DMXL2: variants seen among roughly 807,000 people sequenced by gnomAD.
The protein encoded by DMXL2 is Dmx like 2, also known as dmX-like protein 2.
A neutral mutation model predicts 331.1 loss-of-function variants in DMXL2; 103 were observed. That is an observed-to-expected ratio of 0.31 (90% CI 0.27 to 0.37). The LOEUF (loss-of-function observed/expected upper bound fraction) is 0.37. DMXL2 is among the 10% of genes least tolerant of loss of function. The pLI is 1.00. For missense variants in DMXL2, 3,171 were observed against 3,642.9 expected (o/e 0.87, Z 3.33); for synonymous variants, 1,281 against 1,252.1 (o/e 1.02, Z -0.49).
At position 51,536,571 on chromosome 15, in the gene DMXL2, C is replaced by G. The variant is rs1283324679; in HGVS notation, c.1909G>C (p.Val637Leu). The G allele has an allele frequency of 9.9e-6, 16 of 1,613,890 alleles. No individual in the cohort carries two copies. The highest frequency in any genetic ancestry group is 1.4e-5 in the Non-Finnish European group (16 of 1,179,926). ...CTAAATTTGTGAGATACAGTTAGAA[C>G]AGTGGTAAAGGCAGACTTATCAGCA... ...TFADKSAFTTVLTVSHKFRYC... is the reference protein window; with the variant it reads ...TFADKSAFTTLLTVSHKFRYC... Residue 637 changes from valine (V) to leucine (L), a missense_variant, in exon 12 of 44, where the codon GTT becomes CTT. Physicochemically the swap from Val to Leu is conservative, Grantham distance 32. This residue lies in a region of DMXL2 where 1,674 missense variants were observed against 1,780.2 expected (regional missense o/e 0.94). Transcript: ENST00000560891.
intron 13 of DMXL2, among the ~76,000 whole-genome samples, chr15:51,534,566 A>T (rs1371397589): frequency 6.6e-6 from 1 of 152,194 alleles, no homozygotes; most frequent in Non-Finnish European, 1.5e-5. Flanking sequence ...AATGAAGCAG[A>T]GGGGAATAAA....
chr15:51,452,110 T>C (rs1012086155), intron 41 of DMXL2, among the ~76,000 whole-genome samples: 8 of 152,192 alleles, frequency 5.3e-5, no homozygotes, highest in Non-Finnish European at 1.5e-5. Flanking sequence ...TGTTAGTCCC[T>C]GAATCCTCAT....
chr15:51,511,926 A>G (rs574540212), intron 15 of DMXL2, among the ~76,000 whole-genome samples: 4 of 152,188 alleles, frequency 2.6e-5, no homozygotes, highest in African/African-American at 4.8e-5. Flanking sequence ...CATTTTCAGC[A>G]AACTAACACA....
intron 21 of DMXL2, 74 bp downstream of exon 21, chr15:51,488,474 C>A (rs1007502644): frequency 7.7e-7 from 1 of 1,306,332 alleles, no homozygotes; most frequent in African/African-American, 1.5e-5. Flanking sequence ...TAATTATTTT[C>A]AAAAGCATTA....
Position 51,448,293 on chromosome 15 carries a change from C to G in DMXL2, c.*691G>C, listed in dbSNP as rs551046592. On this transcript the variant is annotated 3_prime_UTR_variant, in exon 44 of 44. Coordinates refer to ENST00000560891, the MANE Select transcript of DMXL2 (RefSeq NM_001378457.1). ...GTTAACTACAAATATGTCATGTTCA[C>G]ATAGTACATTCCTAACATGAAGGCA... 6.5e-6 allele frequency: 1 copy of G among 153,062 alleles called. No homozygotes were observed. The highest frequency in any genetic ancestry group is 2.1e-4 in the South Asian group (1 of 4,832). 9.5% of individuals were successfully genotyped at this position (153,062 alleles called of 1,614,324 possible).
chr15:51,475,737 GTAGAT>G (rs993945740), intron 27 of DMXL2, among the ~76,000 whole-genome samples: 2 of 152,140 alleles, frequency 1.3e-5, no homozygotes, highest in Non-Finnish European at 2.9e-5. Flanking sequence ...AAAAAGGTCT[GTAGAT>G]TAGAGAACAT....
In DMXL2 at chr15:51,451,714, A is replaced by G; in HGVS notation, c.8697-17T>C. 6.3e-7 allele frequency: 1 copy of G among 1,598,916 alleles called. No individual in the cohort carries two copies. Among genetic ancestry groups the G allele is most frequent in the Non-Finnish European group, 8.6e-7 (1 of 1,167,828 alleles). On this transcript the variant is annotated splice_polypyrimidine_tract_variant and intron_variant, in intron 41 of 43. Transcript: ENST00000560891. ...CAAACATTTCTTTTAAAGAAACACAATAACAAAAATACATCATAAATGATT... is the reference window on the plus strand; with the variant it reads ...CAAACATTTCTTTTAAAGAAACACAGTAACAAAAATACATCATAAATGATT...
intron 1 of DMXL2, among the ~76,000 whole-genome samples, chr15:51,614,112 C>T (rs1235232248): frequency 6.6e-6 from 1 of 151,996 alleles, no homozygotes; most frequent in Non-Finnish European, 1.5e-5. Flanking sequence ...ACTAGCGTCC[C>T]TAAGAAGAGA....
chr15:51,544,824 G>A (rs555327100), intron 8 of DMXL2, among the ~76,000 whole-genome samples: 4 of 152,086 alleles, frequency 2.6e-5, no homozygotes, highest in South Asian at 2.1e-4. Context: ...TATAAATTCC[G>A]TATTTCTTCT....
intron 3 of DMXL2, 73 bp downstream of exon 3, chr15:51,568,414 C>T: frequency 1.9e-6 from 2 of 1,047,752 alleles, no homozygotes; most frequent in Non-Finnish European, 2.7e-6. Context: ...TCCTAAGGAG[C>T]TTTTTATTAA....
chr15:51,449,998 G>T (rs2038992072), intron 43 of DMXL2, 131 bp downstream of exon 43: 3 of 772,824 alleles, frequency 3.9e-6, no homozygotes, highest in African/African-American at 3.5e-5. Flanking sequence ...GCAGAGTGTT[G>T]AGATATGCAG....
chr15:51,585,471 A>G (rs2051740034), intron 1 of DMXL2, among the ~76,000 whole-genome samples: 1 of 152,100 alleles, frequency 6.6e-6, no homozygotes, highest in South Asian at 2.1e-4. Context: ...TGGCTTTGCC[A>G]TAATTAATTT....
rs56822445 is a variant in DMXL2 at position 51,589,105 on chromosome 15, A to T, written c.88-12924T>A. On this transcript the variant is annotated intron_variant, in intron 1 of 43. Coordinates refer to ENST00000560891, the MANE Select transcript of DMXL2 (RefSeq NM_001378457.1). ...CCATCTGGAAATGACGGTGGCTAAT[A>T]ACCAGCTGGAAAAGATGAGCTAAGC... Among the ~76,000 whole-genome samples the T allele has an allele frequency of 7.5e-3, 1,147 of 152,280 alleles. 17 individuals carry two copies. Among genetic ancestry groups the T allele is most frequent in the African/African-American group, 0.026 (1,075 of 41,546 alleles).
chr15:51,477,168 G>T (rs1051953491), intron 26 of DMXL2, among the ~76,000 whole-genome samples: 4 of 151,890 alleles, frequency 2.6e-5, no homozygotes, highest in Admixed American at 2.6e-4. Context: ...AAAACCCAGA[G>T]AATCACATTT....
chr15:51,592,818 T>A (rs1399692379), intron 1 of DMXL2, among the ~76,000 whole-genome samples: 1 of 45,274 alleles, frequency 2.2e-5, no homozygotes, highest in Non-Finnish European at 5.5e-5. Flanking sequence ...CAAACTAAGC[T>A]TCATAAGTGA....
rs994433990 is a variant in DMXL2 at position 51,467,945 on chromosome 15, C to T, written c.7393-1634G>A. Among the ~76,000 whole-genome samples, 7 of 152,126 alleles carry T rather than the reference C, an allele frequency of 4.6e-5. No individual in the cohort carries two copies. The East Asian group carries it at 1.4e-3, about 29-fold the overall frequency. ...GTTTCACCGTGTTAGCCAGGATGGT[C>T]CCAATCTCCTGACCTCATGATCTGC... On this transcript the variant is annotated intron_variant, in intron 29 of 43. Transcript: ENST00000560891.
At chr15:51,548,509 T>C (rs1486611637) in intron 6 of DMXL2, among the ~76,000 whole-genome samples, 1 of 152,128 alleles carries the variant, frequency 6.6e-6, no homozygotes, top group African/African-American at 2.4e-5. Context: ...TTCTTCAGCA[T>C]AGCATCATTT....
Position 51,453,517 on chromosome 15 carries a change from T to A in DMXL2, c.8696+33A>T, listed in dbSNP as rs779560213. The A allele has an allele frequency of 5.3e-6, 8 of 1,520,146 alleles. No individual in the cohort carries two copies. The East Asian group carries it at 1.9e-4, about 35-fold the overall frequency. 94.2% of individuals were successfully genotyped at this position (1,520,146 alleles called of 1,614,324 possible). A position where few individuals can be genotyped will look rare whatever the true frequency, so the allele number is the denominator to read the frequency against. On this transcript the variant is annotated intron_variant, in intron 41 of 43. Transcript: ENST00000560891. ...TAAAGGTATGGATTTCTAACGTTTTTATATTTCTTACTTTGCTTTTCTGTC... is the reference window on the plus strand; with the variant it reads ...TAAAGGTATGGATTTCTAACGTTTTAATATTTCTTACTTTGCTTTTCTGTC...
chr15:51,610,219 A>G (rs748569667), intron 1 of DMXL2, among the ~76,000 whole-genome samples: 1 of 152,240 alleles, frequency 6.6e-6, no homozygotes, highest in Non-Finnish European at 1.5e-5. Flanking sequence ...TGATCAACAG[A>G]TCAATTCACC....
Sources: gnomAD v4.1 joint callset for allele counts (sites outside exome capture counted in the v4.1 genomes callset) on GRCh38, gnomAD v4.1.1 for gene constraint, gnomAD v4.1.1 regional missense constraint, MANE v1.5 for transcripts, NCBI Gene and HGNC (gene_info 2026-07-23, HGNC 2026-07-21) for gene names.